Variants in NDST4 observed in about 807,000 individuals in gnomAD.
NDST4 encodes N-deacetylase and N-sulfotransferase 4.
A neutral mutation model predicts 100.8 loss-of-function variants in NDST4; 63 were observed. That is an observed-to-expected ratio of 0.62 (90% CI 0.51 to 0.77). NDST4 has a LOEUF of 0.77. Ranked by LOEUF, NDST4 falls within the 30% of genes least tolerant of loss-of-function variation. The probability of loss-of-function intolerance (pLI) is 0.00; values close to 1 mark genes in which losing one functional copy is unlikely to be tolerated. For missense variants in NDST4, 943 were observed against 1,018.4 expected (o/e 0.93, Z 1.01); for synonymous variants, 377 against 361.8 (o/e 1.04, Z -0.48).
At chr4:114,907,770 T>A (rs1184568549) in intron 6 of NDST4, among the ~76,000 whole-genome samples, 1 of 151,544 alleles carries the variant, frequency 6.6e-6, no homozygotes, top group Non-Finnish European at 1.5e-5. Context: ...GTACTTGAAA[T>A]GAGTGTGGAA....
intron 3 of NDST4, among the ~76,000 whole-genome samples, 153 bp downstream of exon 3, chr4:114,977,034 T>C (rs773018555): frequency 1.4e-4 from 21 of 151,946 alleles, no homozygotes; most frequent in Non-Finnish European, 2.9e-4. Flanking sequence ...CCAAGGTAAA[T>C]ATGCTCATTG....
At chr4:114,836,909 G>A (rs1490539715) in intron 11 of NDST4, among the ~76,000 whole-genome samples, 8 of 151,858 alleles carry the variant, frequency 5.3e-5, no homozygotes, top group Middle Eastern at 3.4e-3. Flanking sequence ...TGATCGATTC[G>A]GCTATTGATA....
At chr4:114,885,104 G>T (rs1049172535) in intron 6 of NDST4, among the ~76,000 whole-genome samples, 2 of 152,028 alleles carry the variant, frequency 1.3e-5, no homozygotes, top group Admixed American at 1.3e-4. Flanking sequence ...TATTATACTA[G>T]CAAAATGTTC....
intron 6 of NDST4, among the ~76,000 whole-genome samples, chr4:114,872,771 G>T (rs1271318299): frequency 6.6e-6 from 1 of 151,972 alleles, no homozygotes; most frequent in Non-Finnish European, 1.5e-5. Context: ...GCACAGAGCA[G>T]TTAAGTAACT....
At chr4:114,930,346 C>T (rs1725486722) in intron 6 of NDST4, among the ~76,000 whole-genome samples, 1 of 152,140 alleles carries the variant, frequency 6.6e-6, no homozygotes, top group Admixed American at 6.5e-5. Context: ...TGCGCCTGTT[C>T]CAAGTGTGGT....
At position 114,829,846 on chromosome 4, in the gene NDST4, T is replaced by C. The variant is rs200457179; in HGVS notation, c.2443A>G (p.Lys815Glu). ...GFWCQLLEGGKTKCLGKSKGR... is the reference protein window; with the variant it reads ...GFWCQLLEGGETKCLGKSKGR... ...TTGCTTTTTCCAAGGCATTTTGTCT[T>C]TCCTCCTTCCAGTAATTGACACCAA... Residue 815 changes from lysine (K) to glutamate (E), a missense_variant, in exon 13 of 14, where the codon AAG becomes GAG. Around this residue, in one of 2 missense-constraint regions of NDST4, gnomAD observed 526 missense variants for 634.1 expected, o/e 0.83. Coordinates refer to ENST00000264363, the MANE Select transcript of NDST4 (RefSeq NM_022569.3). 273 of 1,612,162 alleles carry C rather than the reference T, an allele frequency of 1.7e-4. No individual in the cohort carries two copies. The highest frequency in any genetic ancestry group is 2.2e-4 in the Non-Finnish European group (265 of 1,179,520).
At chr4:115,092,547 A>T (rs1729540494) in intron 1 of NDST4, among the ~76,000 whole-genome samples, 1 of 152,204 alleles carries the variant, frequency 6.6e-6, no homozygotes, top group Non-Finnish European at 1.5e-5. Flanking sequence ...AAAACCAAAT[A>T]ATTGAAATAA....
chr4:115,107,410 T>C (rs1274044157), intron 1 of NDST4, among the ~76,000 whole-genome samples: 1 of 152,096 alleles, frequency 6.6e-6, no homozygotes, highest in East Asian at 1.9e-4. Context: ...CTGAGGAGGA[T>C]AATCAATAGA....
intron 2 of NDST4, among the ~76,000 whole-genome samples, chr4:115,002,150 C>T (rs1172857621): frequency 6.6e-6 from 1 of 152,220 alleles, no homozygotes; most frequent in African/African-American, 2.4e-5. Context: ...TCTCCACAGC[C>T]TCACCAGCAT....
chr4:114,871,926 G>A lies in NDST4; in HGVS notation c.1537-976C>T, dbSNP rs143583169. Among the ~76,000 whole-genome samples the A allele has an allele frequency of 6.3e-3, 953 of 151,898 alleles. 6 individuals are homozygous for A. Among genetic ancestry groups the A allele is most frequent in the African/African-American group, 0.022 (902 of 41,472 alleles). ...TATTAGAAATGTAAGGCTAATATAA[G>A]GTTATAAATAATAATATTAGAACAA... On this transcript the variant is annotated intron_variant, in intron 6 of 13. Coordinates refer to ENST00000264363, the MANE Select transcript of NDST4 (RefSeq NM_022569.3).
At chr4:114,956,133 G>A (rs1477463118) in intron 4 of NDST4, among the ~76,000 whole-genome samples, 1 of 152,134 alleles carries the variant, frequency 6.6e-6, no homozygotes, top group East Asian at 1.9e-4. Flanking sequence ...GTGGAGTGTT[G>A]ATTCCATTCC....
intron 2 of NDST4, among the ~76,000 whole-genome samples, chr4:115,013,070 TG>T (rs79458133): frequency 0.041 from 4,824 of 118,092 alleles, 285 homozygotes; most frequent in African/African-American, 0.14. Context: ...GGGTACTGGG[TG>T]GGGGTAGGGG....
At chr4:115,061,704 G>A (rs1228050123) in intron 2 of NDST4, among the ~76,000 whole-genome samples, 2 of 151,950 alleles carry the variant, frequency 1.3e-5, no homozygotes, top group Admixed American at 6.6e-5. Flanking sequence ...ACAGGTTGAT[G>A]GGTGCAGCAA....
intron 2 of NDST4, among the ~76,000 whole-genome samples, chr4:115,075,568 C>T (rs574688130): frequency 4.6e-5 from 7 of 152,062 alleles, no homozygotes; most frequent in East Asian, 1.9e-4. Flanking sequence ...GGGTGGATCA[C>T]GAGGTCAGGA....
chr4:115,044,164 A>G (rs1345695697), intron 2 of NDST4, among the ~76,000 whole-genome samples: 1 of 152,186 alleles, frequency 6.6e-6, no homozygotes. Flanking sequence ...ATCAAATAGT[A>G]TCTAGGTAGG....
At chr4:115,027,082 T>C (rs145031290) in intron 2 of NDST4, among the ~76,000 whole-genome samples, 288 of 152,244 alleles carry the variant, frequency 1.9e-3, no homozygotes, top group African/African-American at 5.2e-3. Context: ...GGAGTGTTCA[T>C]GGGTTCTTTG....
chr4:114,879,018 C>T (rs949475878), intron 6 of NDST4, among the ~76,000 whole-genome samples: 53 of 151,726 alleles, frequency 3.5e-4, no homozygotes, highest in African/African-American at 1.0e-3. Context: ...GTAGTCTTTA[C>T]GTTATTTTTA....
intron 2 of NDST4, among the ~76,000 whole-genome samples, chr4:115,059,183 T>C (rs1364941299): frequency 1.3e-5 from 2 of 151,932 alleles, no homozygotes; most frequent in Non-Finnish European, 2.9e-5. Flanking sequence ...ATTCTGATTG[T>C]ACCAACAAGA....
At chr4:115,022,240 C>T (rs527241532) in intron 2 of NDST4, among the ~76,000 whole-genome samples, 11 of 150,524 alleles carry the variant, frequency 7.3e-5, no homozygotes, top group South Asian at 2.1e-4. Flanking sequence ...ATACGTTCCA[C>T]GTCTATGCAC....
Sources: gnomAD v4.1 joint callset for allele counts (sites outside exome capture counted in the v4.1 genomes callset) on GRCh38, gnomAD v4.1.1 for gene constraint, gnomAD v4.1.1 regional missense constraint, MANE v1.5 for transcripts, NCBI Gene and HGNC (gene_info 2026-07-23, HGNC 2026-07-21) for gene names.